CHL1: variants seen among roughly 807,000 people sequenced by gnomAD.
The protein encoded by CHL1 is cell adhesion molecule L1 like.
In CHL1, 96 loss-of-function variants were observed where a neutral mutation model predicts 141.9. That is an observed-to-expected ratio of 0.68 (90% CI 0.57 to 0.80). CHL1 has a LOEUF of 0.80. Ranked by LOEUF, CHL1 falls within the 30% of genes least tolerant of loss-of-function variation. CHL1 has a pLI of 0.00. For missense variants in CHL1, 1,820 were observed against 1,457.2 expected (o/e 1.25, Z -4.05); for synonymous variants, 613 against 502.2 (o/e 1.22, Z -2.95).
rs115085584 is a variant in CHL1, at chr3:335,036, T to A, written c.386-5758T>A. Among the ~76,000 whole-genome samples the A allele has an allele frequency of 3.4e-3, 516 of 152,388 alleles. 5 individuals carry two copies. The highest frequency in any genetic ancestry group is 0.012 in the African/African-American group (480 of 41,600). The stretch of plus-strand genomic sequence containing the variant: ...TGAAATTTTCTATATAATAATTTAA[T>A]GAAAACTAATTAGAAATATTCATGC... On this transcript the variant is annotated intron_variant, in intron 5 of 27. Transcript: ENST00000256509.
intron 5 of CHL1, among the ~76,000 whole-genome samples, chr3:331,481 A>G (rs1254686306): frequency 6.6e-6 from 1 of 152,078 alleles, no homozygotes; most frequent in East Asian, 1.9e-4. Context: ...GCCTCGAGCA[A>G]TCTTCCTGCC....
At chr3:232,060 A>G (rs1701912206) in intron 1 of CHL1, among the ~76,000 whole-genome samples, 1 of 152,192 alleles carries the variant, frequency 6.6e-6, no homozygotes, top group South Asian at 2.1e-4. Context: ...TGGCAGGAAG[A>G]CAAGTCATGG....
At chr3:349,862 AT>A (rs1703093969) in intron 10 of CHL1, among the ~76,000 whole-genome samples, 1 of 152,226 alleles carries the variant, frequency 6.6e-6, no homozygotes, top group African/African-American at 2.4e-5. Context: ...ACATTTCATA[AT>A]ATTAAATCAT....
intron 2 of CHL1, among the ~76,000 whole-genome samples, chr3:254,118 C>T (rs904615844): frequency 1.3e-5 from 2 of 152,192 alleles, no homozygotes; most frequent in African/African-American, 4.8e-5. Flanking sequence ...TAGCACTTAA[C>T]ATGTTAGCCC....
chr3:405,753 T>A lies in CHL1; in HGVS notation c.*42T>A. 1.4e-6 allele frequency: 2 copies of A among 1,432,078 alleles called. No homozygotes were observed. Among genetic ancestry groups the A allele is most frequent in the Non-Finnish European group, 2.0e-6 (2 of 1,017,318 alleles). The allele number at this position is 1,432,078 out of a possible 1,614,324, so 88.7% of individuals were successfully genotyped here. ...CAACGCTACTGGTTCACCCCAACCTTCCATATTTATCTGTTCAAAGGAGCA... is the reference window on the plus strand; with the variant it reads ...CAACGCTACTGGTTCACCCCAACCTACCATATTTATCTGTTCAAAGGAGCA... On this transcript the variant is annotated 3_prime_UTR_variant, in exon 28 of 28. Transcript: ENST00000256509.
At chr3:355,558 T>A (rs1421203672) in intron 11 of CHL1, among the ~76,000 whole-genome samples, 1 of 152,232 alleles carries the variant, frequency 6.6e-6, no homozygotes, top group Non-Finnish European at 1.5e-5. Flanking sequence ...AATTGCTTAA[T>A]TAAGAGCAGG....
chr3:280,804 T>C (rs1157729395), intron 2 of CHL1, among the ~76,000 whole-genome samples: 1 of 152,034 alleles, frequency 6.6e-6, no homozygotes, highest in African/African-American at 2.4e-5. Flanking sequence ...CTTTAATGAG[T>C]AATAGAGTGG....
intron 1 of CHL1, among the ~76,000 whole-genome samples, chr3:241,454 G>A (rs931134050): frequency 1.3e-5 from 2 of 152,132 alleles, no homozygotes; most frequent in African/African-American, 4.8e-5. Context: ...CCTGACTTCC[G>A]CTGATCCGCA....
intron 1 of CHL1, among the ~76,000 whole-genome samples, chr3:239,209 T>C (rs1054076175): frequency 1.3e-5 from 2 of 152,148 alleles, no homozygotes; most frequent in African/African-American, 4.8e-5. Flanking sequence ...CCCTTGCTTA[T>C]CACAGAGCAC....
chr3:234,017 G>C (rs1323311164), intron 1 of CHL1, among the ~76,000 whole-genome samples: 2 of 151,932 alleles, frequency 1.3e-5, no homozygotes, highest in African/African-American at 4.8e-5. Context: ...ATATTATGTA[G>C]AGATAAATAG....
intron 2 of CHL1, among the ~76,000 whole-genome samples, chr3:251,904 C>T (rs760470155): frequency 2.0e-5 from 3 of 151,920 alleles, no homozygotes; most frequent in African/African-American, 7.3e-5. Flanking sequence ...CAAATCATTC[C>T]TTTTGTAATT....
At chr3:360,179 A>C (rs1025391856) in intron 11 of CHL1, 105 bp from the exon 12 acceptor site, 2 of 1,324,960 alleles carry the variant, frequency 1.5e-6, no homozygotes, top group African/African-American at 2.9e-5. Context: ...TAGTCACCCT[A>C]AACTGGTTTG....
chr3:319,843 A>G lies in CHL1; in HGVS notation c.67A>G (p.Lys23Glu). 3 of 1,597,738 alleles carry G rather than the reference A, an allele frequency of 1.9e-6. No individual in the cohort carries two copies. The highest frequency in any genetic ancestry group is 2.6e-6 in the Non-Finnish European group (3 of 1,167,270). ...AATGTTCCTCCTGTTAAAATTCTCA[A>G]AAGCAATTGAAATACCATCTTCAGG... ...YLMFLLLKFS[K>E]AIEIPSSVQQ... The change falls in exon 3 of 28, where the codon AAA becomes GAA. Residue 23 changes from lysine (K) to glutamate (E), a missense_variant. Lys to Glu is a moderately conservative substitution (Grantham distance 56). Coordinates refer to ENST00000256509, the MANE Select transcript of CHL1 (RefSeq NM_006614.4).
At chr3:394,600 C>A in intron 23 of CHL1, 93 bp from the exon 24 acceptor site, 1 of 877,718 alleles carries the variant, frequency 1.1e-6, no homozygotes, top group Non-Finnish European at 1.8e-6. Context: ...TGTATCTTTA[C>A]GTACCACAAG....
At chr3:257,919 T>A (rs964929287) in intron 2 of CHL1, among the ~76,000 whole-genome samples, 1 of 152,216 alleles carries the variant, frequency 6.6e-6, no homozygotes, top group Non-Finnish European at 1.5e-5. Flanking sequence ...TTATTTGTTT[T>A]GTTAACATTG....
intron 2 of CHL1, among the ~76,000 whole-genome samples, chr3:290,391 G>A (rs765653029): frequency 8.5e-5 from 13 of 152,054 alleles, no homozygotes; most frequent in Non-Finnish European, 1.8e-4. Context: ...GCAAATAGCT[G>A]TATTTGCAAA....
At chr3:362,446 C>T (rs1380670492) in intron 13 of CHL1, among the ~76,000 whole-genome samples, 5 of 151,934 alleles carry the variant, frequency 3.3e-5, no homozygotes, top group African/African-American at 7.3e-5. Context: ...TTTTGTTCAT[C>T]GTGGGTTTTT....
chr3:353,128 T>A (rs186014266), intron 10 of CHL1, among the ~76,000 whole-genome samples: 1 of 152,200 alleles, frequency 6.6e-6, no homozygotes, highest in African/African-American at 2.4e-5. Context: ...GTAATACTAA[T>A]ATTACTAATA....
intron 1 of CHL1, among the ~76,000 whole-genome samples, chr3:214,956 G>GCGCA (rs1553571580): frequency 2.7e-5 from 4 of 150,276 alleles, no homozygotes; most frequent in Non-Finnish European, 4.4e-5. Flanking sequence ...ATGTGCACGT[G>GCGCA]CACACACACA....
Sources: allele counts gnomAD v4.1 joint callset (sites outside exome capture counted in the v4.1 genomes callset), GRCh38; gene constraint gnomAD v4.1.1; transcripts MANE v1.5; gene names NCBI Gene and HGNC (gene_info 2026-07-23, HGNC 2026-07-21).